LPP: variants seen among roughly 807,000 people sequenced by gnomAD.
LPP encodes LIM domain containing preferred translocation partner in lipoma.
A neutral mutation model predicts 60.4 loss-of-function variants in LPP; 38 were observed. That is an observed-to-expected ratio of 0.63 (90% CI 0.49 to 0.83). LPP has a LOEUF of 0.83. Ranked by LOEUF, LPP falls within the 40% of genes least tolerant of loss-of-function variation. The probability of loss-of-function intolerance (pLI) is 0.00; values close to 1 mark genes in which losing one functional copy is unlikely to be tolerated. For missense variants in LPP, 902 were observed against 783.6 expected (o/e 1.15, Z -1.80); for synonymous variants, 328 against 290.8 (o/e 1.13, Z -1.30).
chr3:188,716,364 A>C (rs62291260), intron 8 of LPP, among the ~76,000 whole-genome samples: 1 of 152,210 alleles, frequency 6.6e-6, no homozygotes, highest in Non-Finnish European at 1.5e-5. Flanking sequence ...CCTTGGTATC[A>C]ACTCAATTAA....
At chr3:188,194,491 C>T (rs1729002447) in intron 1 of LPP, among the ~76,000 whole-genome samples, 1 of 152,206 alleles carries the variant, frequency 6.6e-6, no homozygotes, top group South Asian at 2.1e-4. Flanking sequence ...AATCTGTTTA[C>T]ATCTCTACTT....
chr3:188,400,885 C>G (rs1231037607), intron 3 of LPP, among the ~76,000 whole-genome samples: 1 of 152,174 alleles, frequency 6.6e-6, no homozygotes, highest in African/African-American at 2.4e-5. Context: ...ACATGGGTCT[C>G]TCTTAGAAGC....
intron 3 of LPP, among the ~76,000 whole-genome samples, chr3:188,391,908 C>G (rs1779779846): frequency 6.6e-6 from 1 of 152,100 alleles, no homozygotes; most frequent in Non-Finnish European, 1.5e-5. Context: ...GAAAACAGGG[C>G]AAACAGCAGA....
chr3:188,282,922 G>A (rs1380940431), intron 2 of LPP, among the ~76,000 whole-genome samples: 1 of 152,166 alleles, frequency 6.6e-6, no homozygotes, highest in Non-Finnish European at 1.5e-5. Flanking sequence ...TCCTTTGGAG[G>A]CTAGCTCAGT....
chr3:188,837,382 C>CATAATA (rs57174980), intron 9 of LPP, among the ~76,000 whole-genome samples: 18,851 of 140,092 alleles, frequency 0.13, 1,508 homozygotes, highest in Middle Eastern at 0.21. Flanking sequence ...CCATCTCAAA[C>CATAATA]ATAATAATAA....
chr3:188,254,390 C>G (rs984609645), intron 2 of LPP, among the ~76,000 whole-genome samples: 7 of 152,104 alleles, frequency 4.6e-5, no homozygotes, highest in African/African-American at 1.7e-4. Context: ...CTGGAACTCC[C>G]CAACCCCTGT....
At chr3:188,386,262 G>GCACACACACACACA (rs1491209525) in intron 3 of LPP, among the ~76,000 whole-genome samples, 11 of 69,476 alleles carry the variant, frequency 1.6e-4, no homozygotes, top group African/African-American at 5.1e-4. Flanking sequence ...CATAGCATGC[G>GCACACACACACACA]CGCACACACA....
chr3:188,218,250 C>T (rs547301242), intron 1 of LPP, among the ~76,000 whole-genome samples: 2 of 152,230 alleles, frequency 1.3e-5, no homozygotes, highest in Non-Finnish European at 2.9e-5. Context: ...TGCCCTTTGG[C>T]AGTTCCCTGT....
chr3:188,377,896 C>T (rs1366990303), intron 3 of LPP, among the ~76,000 whole-genome samples: 5 of 152,084 alleles, frequency 3.3e-5, no homozygotes, highest in Non-Finnish European at 5.9e-5. Flanking sequence ...TGTGGATGTC[C>T]TGTCTGTTTG....
At chr3:188,305,034 T>C (rs1456352383) in intron 2 of LPP, among the ~76,000 whole-genome samples, 1 of 152,204 alleles carries the variant, frequency 6.6e-6, no homozygotes. Flanking sequence ...TTCTCTCAAT[T>C]GCCAGGACTT....
chr3:188,238,487 T>C (rs1722679660), intron 2 of LPP, among the ~76,000 whole-genome samples: 1 of 152,158 alleles, frequency 6.6e-6, no homozygotes, highest in South Asian at 2.1e-4. Context: ...TTCTAGCTTT[T>C]GATTAAAGTG....
At chr3:188,553,802 A>T (rs1828791818) in intron 6 of LPP, 1 of 152,228 alleles carries the variant, frequency 6.6e-6, no homozygotes, top group African/African-American at 2.4e-5. Context: ...TAACACCAGC[A>T]AAGTGGAATC....
intron 3 of LPP, among the ~76,000 whole-genome samples, chr3:188,355,899 A>G (rs1767470004): frequency 6.6e-6 from 1 of 152,148 alleles, no homozygotes. Flanking sequence ...AGCACATTTG[A>G]GTTGCGTGTC....
chr3:188,411,450 A>T (rs1385895911), intron 4 of LPP, among the ~76,000 whole-genome samples: 1 of 152,144 alleles, frequency 6.6e-6, no homozygotes, highest in Non-Finnish European at 1.5e-5. Flanking sequence ...CATGAAAAAG[A>T]CACCTGTGCA....
chr3:188,249,863 C>CAT (rs1468358257), intron 2 of LPP, among the ~76,000 whole-genome samples: 2 of 142,474 alleles, frequency 1.4e-5, no homozygotes, highest in African/African-American at 5.4e-5. Context: ...CACACACACA[C>CAT]ACACACAGTC....
At chr3:188,747,267 A>G (rs1726545946) in intron 8 of LPP, among the ~76,000 whole-genome samples, 1 of 152,178 alleles carries the variant, frequency 6.6e-6, no homozygotes, top group Non-Finnish European at 1.5e-5. Flanking sequence ...AGGTAGAAAT[A>G]TGATTTCTTG....
At chr3:188,598,265 T>C (rs1840369658) in intron 6 of LPP, among the ~76,000 whole-genome samples, 1 of 152,114 alleles carries the variant, frequency 6.6e-6, no homozygotes, top group Non-Finnish European at 1.5e-5. Flanking sequence ...TTGAGAGATT[T>C]TAATACAGGA....
chr3:188,731,516 T>TTTTTTTTTTGTTTTG (rs1553817761), intron 8 of LPP, among the ~76,000 whole-genome samples: 4 of 145,698 alleles, frequency 2.7e-5, no homozygotes, highest in African/African-American at 7.7e-5. Flanking sequence ...TTTTTTGTTT[T>TTTTTTTTTTGTTTTG]TTTTGTTTTG....
intron 4 of LPP, among the ~76,000 whole-genome samples, chr3:188,426,344 C>T (rs1789338351): frequency 6.6e-6 from 1 of 152,104 alleles, no homozygotes; most frequent in African/African-American, 2.4e-5. Context: ...TGTTCTTTTG[C>T]ATTTTCTGAG....
Sources: gnomAD v4.1 joint callset for allele counts (sites outside exome capture counted in the v4.1 genomes callset) on GRCh38, gnomAD v4.1.1 for gene constraint, MANE v1.5 for transcripts, NCBI Gene and HGNC (gene_info 2026-07-23, HGNC 2026-07-21) for gene names.